The following KCNN2 variants were observed in gnomAD, a reference collection of about 807,000 sequenced individuals.
The protein encoded by KCNN2 is potassium calcium-activated channel subfamily N member 2, also known as small conductance calcium-activated potassium channel protein 2.
KCNN2 carries 24 observed loss-of-function variants against 55.5 expected under a neutral mutation model. The ratio of observed to expected loss-of-function variants is 0.43; its 90% CI spans 0.31 to 0.61. The LOEUF is 0.61. Ranked by LOEUF, KCNN2 falls within the 20% of genes least tolerant of loss-of-function variation. The probability of loss-of-function intolerance (pLI) is 0.08; values close to 1 mark genes in which losing one functional copy is unlikely to be tolerated. For missense variants in KCNN2, 754 were observed against 853.6 expected, an observed-to-expected ratio of 0.88 and a Z score of 1.45; for synonymous variants, 431 against 336.1, an observed-to-expected ratio of 1.28 and a Z score of -3.09.
intron 1 of KCNN2, among the ~76,000 whole-genome samples, chr5:114,067,609 A>C (rs1484261361): frequency 6.6e-6 from 1 of 152,230 alleles, no homozygotes; most frequent in East Asian, 1.9e-4. Context: ...CTTTGTGATT[A>C]GAAATTAATA....
At chr5:114,225,588 T>C (rs1157407564) in intron 2 of KCNN2, among the ~76,000 whole-genome samples, 2 of 151,998 alleles carry the variant, frequency 1.3e-5, no homozygotes, top group African/African-American at 4.8e-5. Flanking sequence ...TAGTAGGTGC[T>C]CAATAAATAT....
intron 1 of KCNN2, among the ~76,000 whole-genome samples, chr5:114,128,802 T>C (rs1195478992): frequency 6.6e-6 from 1 of 152,160 alleles, no homozygotes; most frequent in African/African-American, 2.4e-5. Context: ...CTAAAGACAA[T>C]TTCAGTAAAT....
intron 2 of KCNN2, among the ~76,000 whole-genome samples, chr5:114,322,807 CT>C (rs1756637441): frequency 6.6e-6 from 1 of 152,062 alleles, no homozygotes; most frequent in African/African-American, 2.4e-5. Flanking sequence ...TAAAATGCTT[CT>C]TTTTTAACTT....
intron 1 of KCNN2, among the ~76,000 whole-genome samples, chr5:114,128,202 C>T (rs1751979331): frequency 6.6e-6 from 1 of 152,130 alleles, no homozygotes; most frequent in Non-Finnish European, 1.5e-5. Context: ...CTAATAAAGA[C>T]ATACTCAGGA....
chr5:114,381,585 C>T (rs78440195), intron 2 of KCNN2, among the ~76,000 whole-genome samples: 1 of 152,168 alleles, frequency 6.6e-6, no homozygotes, highest in Non-Finnish European at 1.5e-5. Context: ...AAGAGGATCA[C>T]AGCATGTCCT....
intron 3 of KCNN2, among the ~76,000 whole-genome samples, chr5:114,447,730 C>T (rs994332084): frequency 1.9e-4 from 29 of 152,150 alleles, no homozygotes; most frequent in Admixed American, 1.8e-3. Context: ...TGATTCTGTT[C>T]AGGAAAATGT....
chr5:114,398,136 A>G (rs1421454054), intron 2 of KCNN2, among the ~76,000 whole-genome samples: 1 of 152,054 alleles, frequency 6.6e-6, no homozygotes, highest in African/African-American at 2.4e-5. Context: ...TTCCTAGGTT[A>G]TAGTACAGGG....
intron 1 of KCNN2, among the ~76,000 whole-genome samples, chr5:114,189,134 GTGTGTGTGTGTGTGTGTGTGTA>G (rs1315377509): frequency 1.2e-4 from 1 of 8,578 alleles, no homozygotes; most frequent in Non-Finnish European, 2.4e-4. Context: ...AGAACCAATA[GTGTGTGTGTGTGTGTGTGTGTA>G]TGTGTGTGTG....
intron 1 of KCNN2, among the ~76,000 whole-genome samples, chr5:114,064,263 G>A (rs967595248): frequency 1.3e-5 from 2 of 152,196 alleles, no homozygotes. Context: ...AAGAGGTAGG[G>A]TTTATTTCCC....
Position 114,191,896 on chromosome 5 carries a change from C to A in KCNN2, c.-270-29584C>A, listed in dbSNP as rs1020281304. On this transcript the variant is annotated intron_variant, in intron 1 of 10. Coordinates refer to the KCNN2 transcript ENST00000512097. ...AGAAGCTGGCCTTAGGAAGTCCAGGCTGAGAAACCAAATTGGTTTATTAAT... is the reference window on the plus strand; with the variant it reads ...AGAAGCTGGCCTTAGGAAGTCCAGGATGAGAAACCAAATTGGTTTATTAAT... Among the ~76,000 whole-genome samples the A allele has an allele frequency of 2.0e-5, 3 of 152,134 alleles. No homozygotes were observed. The South Asian group carries it at 6.2e-4, about 31-fold the overall frequency.
At chr5:114,147,726 T>A (rs1472939121) in intron 1 of KCNN2, among the ~76,000 whole-genome samples, 3 of 152,200 alleles carry the variant, frequency 2.0e-5, no homozygotes, top group Admixed American at 6.5e-5. Flanking sequence ...TGCCTAGGAT[T>A]GGTCTGAGAT....
In KCNN2 at chr5:114,153,361, C is replaced by T. The variant is rs180739350; in HGVS notation, c.-270-68119C>T. Among the ~76,000 whole-genome samples the T allele has an allele frequency of 3.4e-3, 522 of 152,274 alleles. 13 individuals carry two copies. The highest frequency in any genetic ancestry group is 5.0e-3 in the Admixed American group (76 of 15,286). ...GGAATAATCAACATATTTTCCTGCC[C>T]TCTGACTTCAGGTTATGTTCTGCCA... On this transcript the variant is annotated intron_variant, in intron 1 of 10. Transcript: ENST00000512097.
chr5:114,343,451 G>A (rs1415088031), intron 2 of KCNN2, among the ~76,000 whole-genome samples: 3 of 152,156 alleles, frequency 2.0e-5, no homozygotes, highest in African/African-American at 7.2e-5. Flanking sequence ...TCTTTCAACT[G>A]TGACTTAACT....
At chr5:114,482,824 G>T (rs1225502054) in intron 5 of KCNN2, among the ~76,000 whole-genome samples, 2 of 152,108 alleles carry the variant, frequency 1.3e-5, no homozygotes, top group Non-Finnish European at 2.9e-5. Flanking sequence ...ACAGCTGAAT[G>T]ATGAGAATAC....
At chr5:114,115,034 A>G (rs1393183158) in intron 1 of KCNN2, among the ~76,000 whole-genome samples, 1 of 152,118 alleles carries the variant, frequency 6.6e-6, no homozygotes, top group Non-Finnish European at 1.5e-5. Flanking sequence ...CTGCATACCT[A>G]TGAGTTAATA....
chr5:114,188,575 G>C (rs1227133186), intron 1 of KCNN2, among the ~76,000 whole-genome samples: 2 of 152,134 alleles, frequency 1.3e-5, no homozygotes, highest in Non-Finnish European at 2.9e-5. Context: ...AACATTCCGA[G>C]TTCATACAAA....
At chr5:114,273,483 G>A (rs764137129) in intron 2 of KCNN2, among the ~76,000 whole-genome samples, 10 of 151,772 alleles carry the variant, frequency 6.6e-5, no homozygotes, top group Middle Eastern at 3.4e-3. Context: ...CTCCTACCAC[G>A]TTCCTATTTT....
chr5:114,320,577 G>A (rs1191112020), intron 2 of KCNN2, among the ~76,000 whole-genome samples: 1 of 151,082 alleles, frequency 6.6e-6, no homozygotes, highest in Non-Finnish European at 1.5e-5. Flanking sequence ...TCGCGCCACT[G>A]CACTCCAGCC....
In KCNN2 at chr5:114,385,517, G is replaced by GCACA. The variant is rs201674964; in HGVS notation, c.1219-18920_1219-18919insACAC. On this transcript the variant is annotated intron_variant, in intron 2 of 7. Transcript: ENST00000673685. ...GTTTATTGACAGCATACACACATGC[G>GCACA]CGCACACACACACACACACACACAC... 6.3e-3 allele frequency among the ~76,000 whole-genome samples: 560 copies of GCACA among 88,958 alleles called. 4 individuals carry two copies. The highest frequency in any genetic ancestry group is 0.036 in the Middle Eastern group (6 of 168). The allele number at this position is 88,958 out of a possible 152,430, so 58.4% of individuals were successfully genotyped here.
Sources: allele counts gnomAD v4.1 joint callset (sites outside exome capture counted in the v4.1 genomes callset), GRCh38; gene constraint gnomAD v4.1.1; transcripts MANE v1.5; gene names NCBI Gene and HGNC (gene_info 2026-07-23, HGNC 2026-07-21).